Variants in NKAIN3 observed in about 807,000 individuals in gnomAD.
NKAIN3 encodes sodium/potassium transporting ATPase interacting 3.
Under a neutral mutation model 30.2 loss-of-function variants are expected in NKAIN3, and 25 were observed. The observed-to-expected ratio is 0.83, with a 90% CI of 0.60 to 1.16. The LOEUF is 1.16. NKAIN3 is among the 50% of genes most tolerant of loss of function. NKAIN3 has a pLI of 0.00. For missense variants in NKAIN3, 225 were observed against 254.1 expected, an observed-to-expected ratio of 0.89 and a Z score of 0.78; for synonymous variants, 91 against 89.6, an observed-to-expected ratio of 1.02 and a Z score of -0.09.
intron 3 of NKAIN3, among the ~76,000 whole-genome samples, chr8:62,645,913 T>C (rs1812445690): frequency 6.6e-6 from 1 of 152,128 alleles, no homozygotes; most frequent in African/African-American, 2.4e-5. Flanking sequence ...TCTGGTTAAT[T>C]TAGGTACCCA....
intron 1 of NKAIN3, among the ~76,000 whole-genome samples, chr8:62,450,046 G>C (rs1805595526): frequency 6.6e-6 from 1 of 152,078 alleles, no homozygotes; most frequent in African/African-American, 2.4e-5. Flanking sequence ...GATTAAGTAA[G>C]CTAAAGAAAG....
chr8:62,945,262 T>G (rs1290304263), intron 5 of NKAIN3, among the ~76,000 whole-genome samples: 1 of 152,188 alleles, frequency 6.6e-6, no homozygotes, highest in Non-Finnish European at 1.5e-5. Context: ...AAGGTTGATC[T>G]GTAGATAAAG....
chr8:62,310,552 C>G (rs1814395239), intron 1 of NKAIN3, among the ~76,000 whole-genome samples: 1 of 150,552 alleles, frequency 6.6e-6, no homozygotes, highest in South Asian at 2.1e-4. Context: ...ATACATGGGA[C>G]TTTTTCCTTA....
At chr8:62,853,022 T>C (rs1819956011) in intron 4 of NKAIN3, among the ~76,000 whole-genome samples, 1 of 152,170 alleles carries the variant, frequency 6.6e-6, no homozygotes, top group African/African-American at 2.4e-5. Context: ...TAACATTCTG[T>C]CTTGTTGACC....
intron 1 of NKAIN3, among the ~76,000 whole-genome samples, chr8:62,285,954 C>T (rs145127119): frequency 6.6e-6 from 1 of 152,230 alleles, no homozygotes; most frequent in East Asian, 1.9e-4. Flanking sequence ...GTATGATGCA[C>T]CTTCTTCCAT....
At chr8:62,324,577 T>G (rs1414756413) in intron 1 of NKAIN3, among the ~76,000 whole-genome samples, 1 of 152,146 alleles carries the variant, frequency 6.6e-6, no homozygotes, top group Non-Finnish European at 1.5e-5. Context: ...ATGCATATTT[T>G]GTCAGGAAAT....
chr8:62,527,912 T>A (rs1476138784), intron 1 of NKAIN3, among the ~76,000 whole-genome samples: 1 of 147,764 alleles, frequency 6.8e-6, no homozygotes, highest in African/African-American at 2.5e-5. Context: ...TGTGTGTGTG[T>A]GTGTGACAGA....
Position 62,918,435 on chromosome 8 carries a change from A to AT in NKAIN3, c.472-12dup, listed in dbSNP as rs758439828. On this transcript the variant is annotated splice_polypyrimidine_tract_variant and intron_variant, in intron 4 of 6. Transcript: ENST00000623646. Reference sequence around the variant, plus strand: ...CTTGGCATAGATTCTTAAGGTACACATTTTTTCCCTTTTGCAGTTGGTGGG... The same window carrying AT: ...CTTGGCATAGATTCTTAAGGTACACATTTTTTTCCCTTTTGCAGTTGGTGGG... 1.9e-6 allele frequency: 3 copies of AT among 1,599,930 alleles called. No individual in the cohort carries two copies. Among genetic ancestry groups the AT allele is most frequent in the Non-Finnish European group, 1.7e-6 (2 of 1,167,734 alleles).
intron 4 of NKAIN3, among the ~76,000 whole-genome samples, chr8:62,865,547 G>T (rs1453938100): frequency 2.0e-5 from 3 of 152,142 alleles, no homozygotes; most frequent in Non-Finnish European, 4.4e-5. Flanking sequence ...AAACAATAAC[G>T]TGTCTCTAAG....
chr8:62,352,342 C>T (rs1394034455), intron 1 of NKAIN3, among the ~76,000 whole-genome samples: 3 of 152,188 alleles, frequency 2.0e-5, no homozygotes, highest in Non-Finnish European at 4.4e-5. Context: ...AGTGACAACT[C>T]TCTTCTGCAT....
intron 3 of NKAIN3, among the ~76,000 whole-genome samples, chr8:62,659,852 G>T (rs1414159950): frequency 6.6e-6 from 1 of 152,090 alleles, no homozygotes; most frequent in East Asian, 1.9e-4. Context: ...ACATCTGATG[G>T]TTCTAAAAAG....
intron 5 of NKAIN3, among the ~76,000 whole-genome samples, chr8:62,942,169 AAT>A (rs146115738): frequency 0.5 from 71,048 of 142,390 alleles, 18,181 homozygotes; most frequent in African/African-American, 0.62. Context: ...CAATAGCTGC[AAT>A]ATATATATAT....
chr8:62,544,917 A>G (rs1336651111), intron 1 of NKAIN3, among the ~76,000 whole-genome samples: 5 of 152,218 alleles, frequency 3.3e-5, no homozygotes, highest in Non-Finnish European at 7.3e-5. Flanking sequence ...AATAAAATAA[A>G]CTGGAGAAAA....
intron 3 of NKAIN3, among the ~76,000 whole-genome samples, chr8:62,600,606 C>T (rs549046802): frequency 2.5e-4 from 38 of 152,146 alleles, no homozygotes; most frequent in African/African-American, 8.9e-4. Flanking sequence ...AAGTTGCTTC[C>T]TACACAGAAG....
At chr8:62,511,920 G>A (rs184528122) in intron 1 of NKAIN3, among the ~76,000 whole-genome samples, 25 of 152,214 alleles carry the variant, frequency 1.6e-4, no homozygotes, top group African/African-American at 3.4e-4. Context: ...ATTTATGACC[G>A]TGGAATTGTT....
chr8:62,548,964 A>G (rs1198268292), intron 1 of NKAIN3, among the ~76,000 whole-genome samples: 2 of 152,134 alleles, frequency 1.3e-5, no homozygotes, highest in African/African-American at 2.4e-5. Context: ...GATAAGTAAT[A>G]TTTTAGCATC....
chr8:62,272,493 C>A (rs1006677302), intron 1 of NKAIN3, among the ~76,000 whole-genome samples: 21 of 152,208 alleles, frequency 1.4e-4, no homozygotes, highest in Admixed American at 1.3e-4. Context: ...CAAAAGTCCT[C>A]ATTTCTCAAG....
chr8:62,933,308 T>C (rs1223691387), intron 5 of NKAIN3, among the ~76,000 whole-genome samples: 1 of 152,154 alleles, frequency 6.6e-6, no homozygotes, highest in Non-Finnish European at 1.5e-5. Flanking sequence ...AACGGAAATG[T>C]CCAAAATTGT....
chr8:62,578,383 A>G (rs528118203), intron 1 of NKAIN3, among the ~76,000 whole-genome samples: 12 of 152,284 alleles, frequency 7.9e-5, no homozygotes, highest in African/African-American at 2.9e-4. Flanking sequence ...TAATGACCTC[A>G]TAATTTCTGT....
Sources: allele counts gnomAD v4.1 joint callset (sites outside exome capture counted in the v4.1 genomes callset), GRCh38; gene constraint gnomAD v4.1.1; transcripts MANE v1.5; gene names NCBI Gene and HGNC (gene_info 2026-07-23, HGNC 2026-07-21).